GALNT2: variants seen among roughly 807,000 people sequenced by gnomAD.
The protein encoded by GALNT2 is polypeptide N-acetylgalactosaminyltransferase 2.
GALNT2 carries 31 observed loss-of-function variants against 81.4 expected under a neutral mutation model. The ratio of observed to expected loss-of-function variants is 0.38; its 90% CI spans 0.29 to 0.51. The LOEUF (loss-of-function observed/expected upper bound fraction) is 0.51. Ranked by LOEUF, GALNT2 falls within the 20% of genes least tolerant of loss-of-function variation. The pLI is 0.87. For synonymous variants in GALNT2, 303 were observed against 287.4 expected, an observed-to-expected ratio of 1.05 and a Z score of -0.55; for missense variants, 629 against 765.7, an observed-to-expected ratio of 0.82 and a Z score of 2.11.
intron 6 of GALNT2, among the ~76,000 whole-genome samples, chr1:230,241,293 A>G (rs1665192208): frequency 6.6e-6 from 1 of 151,946 alleles, no homozygotes; most frequent in African/African-American, 2.4e-5. Flanking sequence ...GACATTGTGG[A>G]TGATATGTTG....
intron 1 of GALNT2, among the ~76,000 whole-genome samples, chr1:230,164,139 C>T (rs951065565): frequency 6.6e-6 from 1 of 152,232 alleles, no homozygotes; most frequent in African/African-American, 2.4e-5. Context: ...TGTAGCTCCT[C>T]TACAATGCCT....
intron 1 of GALNT2, among the ~76,000 whole-genome samples, chr1:230,098,228 GTGGAATGC>G (rs1326977165): frequency 6.6e-6 from 1 of 152,138 alleles, no homozygotes; most frequent in Non-Finnish European, 1.5e-5. Flanking sequence ...TTGTACTCCT[GTGGAATGC>G]TGGCACCCTA....
intron 1 of GALNT2, among the ~76,000 whole-genome samples, chr1:230,097,657 T>A (rs1314351170): frequency 6.6e-6 from 1 of 152,206 alleles, no homozygotes; most frequent in Non-Finnish European, 1.5e-5. Context: ...CATTTATCTG[T>A]CAGCTGACTT....
intron 12 of GALNT2, 53 bp downstream of exon 12, chr1:230,262,718 G>T: frequency 1.4e-6 from 2 of 1,462,134 alleles, no homozygotes; most frequent in South Asian, 1.1e-5. Flanking sequence ...GGGGTGTGGG[G>T]GTGGGAGGTA....
intron 11 of GALNT2, among the ~76,000 whole-genome samples, chr1:230,260,488 A>T (rs1665846694): frequency 6.6e-6 from 1 of 152,208 alleles, no homozygotes; most frequent in Admixed American, 6.5e-5. Flanking sequence ...TAAAAACTTG[A>T]GTGATTTGAA....
intron 1 of GALNT2, among the ~76,000 whole-genome samples, chr1:230,175,276 G>A (rs1039893712): frequency 5.9e-5 from 9 of 152,194 alleles, no homozygotes; most frequent in African/African-American, 1.7e-4. Flanking sequence ...TGGCTATTTA[G>A]TTGAGGGAGG....
At chr1:230,229,014 G>A (rs1246400032) in intron 3 of GALNT2, among the ~76,000 whole-genome samples, 1 of 152,092 alleles carries the variant, frequency 6.6e-6, no homozygotes, top group Non-Finnish European at 1.5e-5. Context: ...AAAAGCATTT[G>A]TAAAAGTTTA....
chr1:230,108,090 G>C (rs910498), intron 1 of GALNT2, among the ~76,000 whole-genome samples: 65,211 of 152,058 alleles, frequency 0.43, 14,003 homozygotes, highest in South Asian at 0.53. Context: ...TGCTGGGCAC[G>C]GTAAACACAG....
At chr1:230,084,369 G>A (rs1353358319) in intron 1 of GALNT2, among the ~76,000 whole-genome samples, 1 of 152,218 alleles carries the variant, frequency 6.6e-6, no homozygotes, top group East Asian at 1.9e-4. Flanking sequence ...TGTGGCAGAA[G>A]GCTGTCTGGG....
At chr1:230,263,163 G>A in intron 13 of GALNT2, 158 bp downstream of exon 13, 1 of 628,916 alleles carries the variant, frequency 1.6e-6, no homozygotes, top group East Asian at 2.7e-5. Flanking sequence ...GTGTGGAGCT[G>A]AGAATCTGCT....
intron 2 of GALNT2, among the ~76,000 whole-genome samples, chr1:230,182,417 A>G (rs1006432171): frequency 6.6e-6 from 1 of 152,082 alleles, no homozygotes; most frequent in Admixed American, 6.5e-5. Flanking sequence ...AAATTTTCAT[A>G]AGTTTTGTTT....
chr1:230,127,538 G>A (rs1661225990), intron 1 of GALNT2, among the ~76,000 whole-genome samples: 1 of 152,056 alleles, frequency 6.6e-6, no homozygotes. Context: ...ACCATGCGCA[G>A]CTAATTTTTG....
chr1:230,077,273 C>T, intron 1 of GALNT2, among the ~76,000 whole-genome samples: 1 of 152,160 alleles, frequency 6.6e-6, no homozygotes, highest in Non-Finnish European at 1.5e-5. Context: ...CCCTGCCGCA[C>T]TCTCCTTCCC....
At chr1:230,253,587 G>A (rs1665616147) in intron 10 of GALNT2, among the ~76,000 whole-genome samples, 1 of 152,108 alleles carries the variant, frequency 6.6e-6, no homozygotes, top group Non-Finnish European at 1.5e-5. Context: ...ATATTCATGG[G>A]ATACATAGTG....
chr1:230,156,829 G>T (rs1303058285), intron 1 of GALNT2, among the ~76,000 whole-genome samples: 5 of 152,308 alleles, frequency 3.3e-5, no homozygotes, highest in African/African-American at 7.2e-5. Flanking sequence ...AAGATGAAAT[G>T]TTGGGGAGAC....
At chr1:230,140,408 C>T (rs1269084804) in intron 1 of GALNT2, among the ~76,000 whole-genome samples, 1 of 152,234 alleles carries the variant, frequency 6.6e-6, no homozygotes, top group Non-Finnish European at 1.5e-5. Context: ...CCTGCCCTTC[C>T]CAGTGCCCCA....
intron 2 of GALNT2, among the ~76,000 whole-genome samples, chr1:230,198,940 T>C (rs916450938): frequency 1.3e-5 from 2 of 152,256 alleles, no homozygotes; most frequent in Admixed American, 6.5e-5. Context: ...TATTTAAATG[T>C]ATGTTTTATT....
intron 1 of GALNT2, among the ~76,000 whole-genome samples, chr1:230,140,475 T>A (rs1661695496): frequency 6.6e-6 from 1 of 152,186 alleles, no homozygotes; most frequent in South Asian, 2.1e-4. Flanking sequence ...ACTGAGGGGA[T>A]GGGAGCACAG....
chr1:230,195,743 C>T (rs952047319), intron 2 of GALNT2, among the ~76,000 whole-genome samples: 12 of 152,048 alleles, frequency 7.9e-5, no homozygotes, highest in Admixed American at 6.5e-4. Context: ...GTGCTGTGCC[C>T]GCACCGCCAC....
Sources: gnomAD v4.1 joint callset for allele counts (sites outside exome capture counted in the v4.1 genomes callset) on GRCh38, gnomAD v4.1.1 for gene constraint, MANE v1.5 for transcripts, NCBI Gene and HGNC (gene_info 2026-07-23, HGNC 2026-07-21) for gene names.